The following CD6 variants were observed in gnomAD, a reference collection of about 807,000 sequenced individuals.
CD6 encodes CD6 molecule.
A neutral mutation model predicts 75.3 loss-of-function variants in CD6; 53 were observed. The observed-to-expected ratio is 0.70, with a 90% CI of 0.56 to 0.88. The LOEUF (loss-of-function observed/expected upper bound fraction) is 0.88. Among genes scored for constraint, CD6 ranks in the 40% least tolerant of loss-of-function variants. The pLI is 0.00. For missense variants in CD6, 770 were observed against 897.1 expected (o/e 0.86, Z 1.81); for synonymous variants, 359 against 381.5 (o/e 0.94, Z 0.69).
At chr11:61,004,916 G>A (rs905065895) in intron 1 of CD6, among the ~76,000 whole-genome samples, 114 of 152,334 alleles carry the variant, frequency 7.5e-4, no homozygotes, top group African/African-American at 2.7e-3. Context: ...GCAGGCAGAC[G>A]TCTTCTGCCT....
At position 61,015,744 on chromosome 11, in the gene CD6, G is replaced by T; in HGVS notation, c.1419G>T (p.Pro473=). ...TGCTGCCCATCCAGGTCCAGGCCCC[G>T]CCCCCTGAGGACTCAGACTCTGGCT... The part of the protein sequence containing the change: ...VFMLPIQVQA[P]PPEDSDSGSD... Residue 473 remains proline, a synonymous_variant, in exon 9 of 13, where the codon CCG becomes CCT. Transcript: ENST00000313421. The T allele has an allele frequency of 6.2e-7, 1 of 1,613,980 alleles. No homozygotes were observed. Among genetic ancestry groups the T allele is most frequent in the Non-Finnish European group, 8.5e-7 (1 of 1,179,982 alleles).
At chr11:60,973,574 T>A (rs1031261080) in intron 1 of CD6, among the ~76,000 whole-genome samples, 4 of 130,122 alleles carry the variant, frequency 3.1e-5, no homozygotes, top group African/African-American at 1.0e-4. Flanking sequence ...AAGGGAAACA[T>A]AAAAACAAAT....
At chr11:60,986,422 C>T (rs1857818161) in intron 1 of CD6, among the ~76,000 whole-genome samples, 1 of 152,150 alleles carries the variant, frequency 6.6e-6, no homozygotes, top group South Asian at 2.1e-4. Context: ...TCCGCCATGA[C>T]CTTGGGCAAG....
chr11:60,983,020 T>A (rs1460392710), intron 1 of CD6, among the ~76,000 whole-genome samples: 2 of 151,900 alleles, frequency 1.3e-5, no homozygotes, highest in Non-Finnish European at 2.9e-5. Context: ...ACATGCTGGC[T>A]TCATGTAGCT....
intron 1 of CD6, among the ~76,000 whole-genome samples, chr11:61,003,435 A>T (rs889069160): frequency 2.0e-5 from 3 of 152,166 alleles, no homozygotes; most frequent in Non-Finnish European, 4.4e-5. Flanking sequence ...AGGGCCAGGC[A>T]AAAGTGGTAA....
At chr11:60,990,582 A>G (rs1013039690) in intron 1 of CD6, among the ~76,000 whole-genome samples, 2 of 152,158 alleles carry the variant, frequency 1.3e-5, no homozygotes, top group Non-Finnish European at 2.9e-5. Flanking sequence ...AAATGTTTAC[A>G]CTTTTGCCGT....
chr11:60,982,545 C>T, intron 1 of CD6: 1 of 455,416 alleles, frequency 2.2e-6, no homozygotes, highest in East Asian at 7.0e-5. Flanking sequence ...GGAAGCCCCC[C>T]AGGCCTGGAG....
chr11:61,011,010 C>T lies in CD6; in HGVS notation c.1085-60C>T, dbSNP rs536760442. ...TCCCATTCAGTTTCTAACCCAAGGC[C>T]TGGCACACAGTAGGTGCTCAGTAAC... On this transcript the variant is annotated intron_variant, in intron 5 of 12. Transcript: ENST00000313421. 5.4e-6 allele frequency: 8 copies of T among 1,482,496 alleles called. No homozygotes were observed. In the East Asian group the frequency reaches 1.6e-4, roughly 29 times the overall value. 91.8% of individuals were successfully genotyped at this position (1,482,496 alleles called of 1,614,324 possible). A position where few individuals can be genotyped will look rare whatever the true frequency, so the allele number is the denominator to read the frequency against.
chr11:61,003,245 G>C (rs570798039), intron 1 of CD6, among the ~76,000 whole-genome samples: 1 of 152,166 alleles, frequency 6.6e-6, no homozygotes, highest in Non-Finnish European at 1.5e-5. Flanking sequence ...GCTTACAGGC[G>C]TGAGCCACCA....
At position 61,015,770 on chromosome 11, in the gene CD6, C is replaced by G; in HGVS notation, c.1445C>G (p.Ser482Trp). ...APPPEDSDSG[S>W]DSDYEHYDFS... ...CCCCCTGAGGACTCAGACTCTGGCT[C>G]GGACTCAGACTATGAGCACTATGAC... Residue 482 changes from serine (S) to tryptophan (W), a missense_variant, in exon 9 of 13, where the codon TCG becomes TGG. Coordinates refer to ENST00000313421, the MANE Select transcript of CD6 (RefSeq NM_006725.5). The G allele has an allele frequency of 6.2e-7, 1 of 1,614,200 alleles. No homozygotes were observed. Among genetic ancestry groups the G allele is most frequent in the Non-Finnish European group, 8.5e-7 (1 of 1,180,034 alleles).
chr11:61,015,904 C>T, intron 9 of CD6, 69 bp downstream of exon 9: 1 of 1,585,982 alleles, frequency 6.3e-7, no homozygotes, highest in Non-Finnish European at 8.6e-7. Context: ...AGGGGACCGT[C>T]AGGTCAGTAG....
intron 1 of CD6, among the ~76,000 whole-genome samples, chr11:61,002,539 A>G (rs989516604): frequency 1.3e-5 from 2 of 152,170 alleles, no homozygotes; most frequent in South Asian, 2.1e-4. Context: ...CCTGGGTGAC[A>G]GAGCAAGACA....
At chr11:60,999,407 C>T (rs1014079909) in intron 1 of CD6, among the ~76,000 whole-genome samples, 1 of 150,406 alleles carries the variant, frequency 6.6e-6, no homozygotes, top group Non-Finnish European at 1.5e-5. Flanking sequence ...AAAAAAATCT[C>T]AGGATGCAGT....
intron 1 of CD6, among the ~76,000 whole-genome samples, chr11:60,974,480 C>T (rs1400996097): frequency 1.3e-5 from 2 of 152,174 alleles, no homozygotes; most frequent in African/African-American, 4.8e-5. Flanking sequence ...CTCCTGACCT[C>T]GTGATCCACC....
intron 1 of CD6, among the ~76,000 whole-genome samples, chr11:60,998,783 T>C (rs1175239451): frequency 6.6e-6 from 1 of 151,732 alleles, no homozygotes; most frequent in Admixed American, 6.6e-5. Flanking sequence ...CCCTGTGTAT[T>C]TATTTGGGGA....
chr11:61,008,775 G>A lies in CD6; in HGVS notation c.711G>A (p.Leu237=). ...QVNCSGAEAY[L]WDCPGLPGQH... Reference sequence around the variant, plus strand: ...ACTGCTCGGGGGCCGAAGCTTACCTGTGGGACTGCCCGGGGCTGCCAGGAC... The same window carrying A: ...ACTGCTCGGGGGCCGAAGCTTACCTATGGGACTGCCCGGGGCTGCCAGGAC... Residue 237 remains leucine (L), a synonymous_variant, in exon 4 of 13, where the codon CTG becomes CTA. Coordinates refer to ENST00000313421, the MANE Select transcript of CD6 (RefSeq NM_006725.5). The A allele has an allele frequency of 6.3e-7, 1 of 1,599,914 alleles. No individual in the cohort carries two copies. Among genetic ancestry groups the A allele is most frequent in the Non-Finnish European group, 8.5e-7 (1 of 1,171,016 alleles).
At chr11:60,999,349 T>G (rs953776127) in intron 1 of CD6, among the ~76,000 whole-genome samples, 3 of 150,996 alleles carry the variant, frequency 2.0e-5, no homozygotes, top group African/African-American at 7.3e-5. Flanking sequence ...TGGTTGTCAG[T>G]TCATGACCAG....
chr11:60,974,570 A>G (rs1199856744), intron 1 of CD6, among the ~76,000 whole-genome samples: 1 of 152,236 alleles, frequency 6.6e-6, no homozygotes, highest in South Asian at 2.1e-4. Context: ...TAACCCTAGC[A>G]CGAGGCCCTA....
intron 1 of CD6, among the ~76,000 whole-genome samples, chr11:60,997,239 A>T (rs1051520263): frequency 2.6e-5 from 4 of 152,008 alleles, no homozygotes; most frequent in Non-Finnish European, 4.4e-5. Context: ...GTAGCCAGGC[A>T]TGGTGGTGCG....
Sources: allele counts gnomAD v4.1 joint callset (sites outside exome capture counted in the v4.1 genomes callset), GRCh38; gene constraint gnomAD v4.1.1; transcripts MANE v1.5; gene names NCBI Gene and HGNC (gene_info 2026-07-23, HGNC 2026-07-21).